The following OPHN1 variants were observed in gnomAD, a reference collection of about 807,000 sequenced individuals.
OPHN1 encodes oligophrenin 1.
In OPHN1, 11 loss-of-function variants were observed where a neutral mutation model predicts 60.7. The ratio of observed to expected loss-of-function variants is 0.18; its 90% confidence interval spans 0.11 to 0.30. The LOEUF is 0.30. Ranked by LOEUF, OPHN1 falls within the 10% of genes least tolerant of loss-of-function variation. The pLI, the probability that OPHN1 is intolerant of heterozygous loss-of-function variation, is 1.00. For synonymous variants in OPHN1, 226 were observed against 222.6 expected (o/e 1.02, Z -0.14); for missense variants, 449 against 611.0 (o/e 0.73, Z 2.80).
At chrX:68,082,684 C>T (rs964297274) in intron 19 of OPHN1, among the ~76,000 whole-genome samples, 1 of 111,989 alleles carries the variant, frequency 8.9e-6, no homozygotes, top group African/African-American at 3.3e-5. Context: ...ACATATGGAG[C>T]ATGGGCAGAG....
intron 2 of OPHN1, among the ~76,000 whole-genome samples, chrX:68,341,652 A>G (rs1053937398): frequency 9.0e-6 from 1 of 110,655 alleles, no homozygotes; most frequent in Non-Finnish European, 1.9e-5. Context: ...TGGGCAACAC[A>G]GGGAAACCCC....
chrX:68,269,449 A>C (rs1026172696), intron 5 of OPHN1, among the ~76,000 whole-genome samples: 3 of 111,524 alleles, frequency 2.7e-5, no homozygotes, highest in East Asian at 2.8e-4. Context: ...ATACAACCAT[A>C]TGATCTTTGA....
At chrX:68,166,163 T>C (rs1464061729) in intron 15 of OPHN1, among the ~76,000 whole-genome samples, 1 of 112,556 alleles carries the variant, frequency 8.9e-6, no homozygotes, top group Non-Finnish European at 1.9e-5. Context: ...TCATTAGATA[T>C]GAAACCAAGG....
chrX:68,265,817 G>C (rs1268067369), intron 5 of OPHN1, among the ~76,000 whole-genome samples: 3 of 111,188 alleles, frequency 2.7e-5, no homozygotes, highest in African/African-American at 9.8e-5. Flanking sequence ...AATAACCAAT[G>C]CAGAGAACTC....
chrX:68,364,870 A>G (rs1046644876), intron 2 of OPHN1, among the ~76,000 whole-genome samples: 10 of 112,185 alleles, frequency 8.9e-5, no homozygotes, highest in Admixed American at 2.9e-4. Context: ...CCTTGGAGTC[A>G]CAACAAATTT....
chrX:68,336,577 A>T (rs747761559), intron 2 of OPHN1: 1 of 110,009 alleles, frequency 9.1e-6, no homozygotes, highest in African/African-American at 3.3e-5. Context: ...GGAAAAAGAC[A>T]GTATAAACAT....
chrX:68,432,189 C>A (rs1403116637), intron 2 of OPHN1, among the ~76,000 whole-genome samples: 3 of 111,007 alleles, frequency 2.7e-5, no homozygotes, highest in Non-Finnish European at 5.7e-5. Flanking sequence ...CCCTATTTTA[C>A]TCCCTGGGGG....
intron 2 of OPHN1, among the ~76,000 whole-genome samples, chrX:68,305,899 A>G (rs1292077134): frequency 8.9e-6 from 1 of 112,392 alleles, no homozygotes. Flanking sequence ...AAATTATGAG[A>G]CAGACTAAGA....
rs188801159 is a variant in OPHN1, at chrX:68,432,170, C to G, written c.154+697G>C. 3.4e-3 allele frequency among the ~76,000 whole-genome samples: 372 copies of G among 110,977 alleles called. 3 individuals carry two copies. The highest frequency in any genetic ancestry group is 0.012 in the African/African-American group (356 of 30,541). On this transcript the variant is annotated intron_variant, in intron 2 of 24. Transcript: ENST00000355520. ...GAAGTTCCTTCAGCCCAGCAGCCCC[C>G]AACCCTATCCCTATTTTACTCCCTG...
At chrX:68,354,099 T>C (rs1308112972) in intron 2 of OPHN1, among the ~76,000 whole-genome samples, 1 of 111,512 alleles carries the variant, frequency 9.0e-6, no homozygotes, top group Non-Finnish European at 1.9e-5. Context: ...ATTAAAATGA[T>C]ATTAGCCATT....
intron 6 of OPHN1, 34 bp from the exon 7 acceptor site, chrX:68,214,006 G>T: frequency 1.2e-6 from 1 of 846,627 alleles, no homozygotes; most frequent in Non-Finnish European, 1.7e-6. Context: ...TTACATATTG[G>T]GATATTCATT....
intron 4 of OPHN1, among the ~76,000 whole-genome samples, chrX:68,280,501 A>G (rs1019117318): frequency 9.0e-6 from 1 of 111,647 alleles, no homozygotes; most frequent in African/African-American, 3.3e-5. Context: ...TCTAGATTCT[A>G]TGAGCAGTAT....
At chrX:68,075,907 C>A (rs1378098461) in intron 19 of OPHN1, among the ~76,000 whole-genome samples, 1 of 108,432 alleles carries the variant, frequency 9.2e-6, no homozygotes, top group African/African-American at 3.3e-5. Context: ...TCTTTGTAAT[C>A]TTAGGTTAGC....
At chrX:68,084,032 C>T (rs2076985446) in intron 19 of OPHN1, among the ~76,000 whole-genome samples, 1 of 110,898 alleles carries the variant, frequency 9.0e-6, no homozygotes, top group African/African-American at 3.3e-5. Flanking sequence ...CAAGAATTTT[C>T]CTAATGTAAC....
chrX:68,356,702 T>C (rs897215995), intron 2 of OPHN1, among the ~76,000 whole-genome samples: 2 of 111,447 alleles, frequency 1.8e-5, no homozygotes, highest in East Asian at 5.7e-4. Flanking sequence ...CATGAGCCAC[T>C]GCGCCAGGCC....
At chrX:68,242,215 A>C (rs1418242887) in intron 5 of OPHN1, among the ~76,000 whole-genome samples, 9 of 76,239 alleles carry the variant, frequency 1.2e-4, no homozygotes, top group African/African-American at 5.7e-4. Context: ...CCATCTCTAC[A>C]AAAAAAAAAA....
At chrX:68,246,935 T>G (rs928766187) in intron 5 of OPHN1, among the ~76,000 whole-genome samples, 1 of 111,534 alleles carries the variant, frequency 9.0e-6, no homozygotes, top group African/African-American at 3.3e-5. Flanking sequence ...TGGGTTAAAC[T>G]ATCTAAAATT....
intron 2 of OPHN1, among the ~76,000 whole-genome samples, chrX:68,400,349 G>T (rs867748874): frequency 9.0e-6 from 1 of 111,292 alleles, no homozygotes; most frequent in African/African-American, 3.3e-5. Flanking sequence ...ACCCTCTACC[G>T]GTGATATTAT....
chrX:68,395,425 T>C (rs1486227017), intron 2 of OPHN1, among the ~76,000 whole-genome samples: 2 of 109,356 alleles, frequency 1.8e-5, no homozygotes, highest in Non-Finnish European at 3.8e-5. Context: ...CACAACACCA[T>C]GCCCAGCTAA....
Sources: gnomAD v4.1 joint callset for allele counts (sites outside exome capture counted in the v4.1 genomes callset) on GRCh38, gnomAD v4.1.1 for gene constraint, MANE v1.5 for transcripts, NCBI Gene and HGNC (gene_info 2026-07-23, HGNC 2026-07-21) for gene names.